SORCS2: variants seen among roughly 807,000 people sequenced by gnomAD.
SORCS2 encodes VPS10 domain-containing receptor SorCS2.
A neutral mutation model predicts 141.6 loss-of-function variants in SORCS2; 100 were observed. The observed-to-expected ratio is 0.71, with a 90% CI of 0.60 to 0.83. The LOEUF is 0.83. Ranked by LOEUF, SORCS2 falls within the 40% of genes least tolerant of loss-of-function variation. SORCS2 has a pLI of 0.00. For synonymous variants in SORCS2, 789 were observed against 676.9 expected, an observed-to-expected ratio of 1.17 and a Z score of -2.57; for missense variants, 1,646 against 1,560.2, an observed-to-expected ratio of 1.05 and a Z score of -0.93.
intron 1 of SORCS2, among the ~76,000 whole-genome samples, chr4:7,343,788 G>A (rs1223592303): frequency 6.6e-6 from 1 of 152,200 alleles, no homozygotes; most frequent in Non-Finnish European, 1.5e-5. Flanking sequence ...TCCTCAAGAT[G>A]GGGGCAGCTC....
At chr4:7,375,481 T>A (rs1456238151) in intron 1 of SORCS2, among the ~76,000 whole-genome samples, 3 of 152,030 alleles carry the variant, frequency 2.0e-5, no homozygotes, top group Non-Finnish European at 4.4e-5. Context: ...TGAAGCAAGA[T>A]CTGGTATGGC....
intron 1 of SORCS2, among the ~76,000 whole-genome samples, chr4:7,229,622 G>A (rs1711669932): frequency 6.6e-6 from 1 of 152,244 alleles, no homozygotes; most frequent in Admixed American, 6.5e-5. Context: ...GGGCATAGAG[G>A]GCTGAGGTCA....
chr4:7,252,624 A>G (rs918773618), intron 1 of SORCS2, among the ~76,000 whole-genome samples: 1 of 152,058 alleles, frequency 6.6e-6, no homozygotes, highest in Non-Finnish European at 1.5e-5. Flanking sequence ...CTCCACCTTC[A>G]CAAGCCCTGA....
intron 1 of SORCS2, among the ~76,000 whole-genome samples, chr4:7,205,677 C>T (rs1263842684): frequency 6.6e-6 from 1 of 152,190 alleles, no homozygotes; most frequent in African/African-American, 2.4e-5. Context: ...AACAAAGAGG[C>T]CATTGTTTCT....
intron 2 of SORCS2, among the ~76,000 whole-genome samples, chr4:7,515,656 A>G (rs561558153): frequency 3.3e-5 from 5 of 151,478 alleles, no homozygotes; most frequent in African/African-American, 7.3e-5. Flanking sequence ...AGCCTTTGCT[A>G]TTGATTGCTT....
At chr4:7,525,207 G>A (rs4580650) in intron 2 of SORCS2, among the ~76,000 whole-genome samples, 66,568 of 151,958 alleles carry the variant, frequency 0.44, 15,968 homozygotes, top group East Asian at 0.76. Flanking sequence ...AACACAGTCC[G>A]GGCAAGAGGC....
In SORCS2 at chr4:7,742,390, C is replaced by A. The variant is rs1712745602; in HGVS notation, c.*2126C>A. 1 of 152,364 alleles carries A rather than the reference C, an allele frequency of 6.6e-6. No homozygotes were observed. Among genetic ancestry groups the A allele is most frequent in the Admixed American group, 6.5e-5 (1 of 15,286 alleles). 9.4% of individuals were successfully genotyped at this position (152,364 alleles called of 1,614,324 possible). ...TGGAACCCTGGGAACTGCCCTCCCC[C>A]TTAGCTCACAGTGCCTGCGGTAGCC... is the stretch of plus-strand genomic sequence containing the variant. On this transcript the variant is annotated 3_prime_UTR_variant, in exon 27 of 27. Transcript: ENST00000507866.
chr4:7,370,303 G>A (rs761893790), intron 1 of SORCS2, among the ~76,000 whole-genome samples: 2 of 152,236 alleles, frequency 1.3e-5, no homozygotes, highest in Non-Finnish European at 2.9e-5. Flanking sequence ...CTGTTTGGTT[G>A]TCTGAGCCCG....
chr4:7,394,319 A>G (rs1724063255), intron 1 of SORCS2, among the ~76,000 whole-genome samples: 2 of 151,860 alleles, frequency 1.3e-5, no homozygotes, highest in Admixed American at 6.6e-5. Context: ...GAGATAAATA[A>G]GGTCCCCACC....
At chr4:7,387,709 C>G (rs1376728785) in intron 1 of SORCS2, among the ~76,000 whole-genome samples, 3 of 141,368 alleles carry the variant, frequency 2.1e-5, no homozygotes, top group Non-Finnish European at 4.6e-5. Context: ...CGCACATGCA[C>G]ACACATGCAC....
chr4:7,592,893 C>A (rs1217663907), intron 3 of SORCS2, among the ~76,000 whole-genome samples: 1 of 152,210 alleles, frequency 6.6e-6, no homozygotes, highest in African/African-American at 2.4e-5. Flanking sequence ...AGTTGTAAAG[C>A]AAATGCTAAT....
At chr4:7,407,697 A>G (rs1366526807) in intron 2 of SORCS2, among the ~76,000 whole-genome samples, 1 of 152,148 alleles carries the variant, frequency 6.6e-6, no homozygotes, top group Non-Finnish European at 1.5e-5. Flanking sequence ...ATTCATAAGT[A>G]AGGACTTACT....
chr4:7,485,966 C>T (rs1241254969), intron 2 of SORCS2, among the ~76,000 whole-genome samples: 4 of 152,174 alleles, frequency 2.6e-5, no homozygotes, highest in Non-Finnish European at 4.4e-5. Context: ...GCTGGGGGCA[C>T]CCCATGCCTG....
intron 1 of SORCS2, among the ~76,000 whole-genome samples, chr4:7,320,511 A>G (rs572600619): frequency 1.3e-5 from 2 of 152,374 alleles, no homozygotes; most frequent in Admixed American, 1.3e-4. Context: ...CTTTGAGGAC[A>G]CAGCTTTCTG....
intron 2 of SORCS2, among the ~76,000 whole-genome samples, chr4:7,509,269 G>A (rs557251799): frequency 7.2e-5 from 11 of 152,270 alleles, no homozygotes; most frequent in Admixed American, 3.9e-4. Context: ...GGGCCACCTA[G>A]CAGGAACTAG....
At chr4:7,360,427 C>T (rs532349420) in intron 1 of SORCS2, among the ~76,000 whole-genome samples, 16 of 152,076 alleles carry the variant, frequency 1.1e-4, no homozygotes, top group South Asian at 2.1e-4. Context: ...CTCCCATGAC[C>T]GGAGCTTAGG....
At chr4:7,688,027 T>A (rs1436939218) in intron 10 of SORCS2, among the ~76,000 whole-genome samples, 1 of 152,230 alleles carries the variant, frequency 6.6e-6, no homozygotes, top group Non-Finnish European at 1.5e-5. Context: ...ATAAAGCCTG[T>A]CTGCCAACTG....
chr4:7,243,647 C>T (rs944544188), intron 1 of SORCS2, among the ~76,000 whole-genome samples: 1 of 152,248 alleles, frequency 6.6e-6, no homozygotes, highest in African/African-American at 2.4e-5. Flanking sequence ...CACACCAAAA[C>T]TCCAGACTCT....
chr4:7,514,011 G>A (rs1020517637), intron 2 of SORCS2, among the ~76,000 whole-genome samples: 2 of 152,176 alleles, frequency 1.3e-5, no homozygotes, highest in Non-Finnish European at 2.9e-5. Flanking sequence ...CCTTTATGGA[G>A]CCTGTTTGGG....
Sources: allele counts gnomAD v4.1 joint callset (sites outside exome capture counted in the v4.1 genomes callset), GRCh38; gene constraint gnomAD v4.1.1; transcripts MANE v1.5; gene names NCBI Gene and HGNC (gene_info 2026-07-23, HGNC 2026-07-21).